Variants in CDH18 observed in about 807,000 individuals in gnomAD.
CDH18 encodes the protein cadherin 18, also known as cadherin-18.
In CDH18, 31 loss-of-function variants were observed where a neutral mutation model predicts 67.9. That is an observed-to-expected ratio of 0.46 (90% CI 0.34 to 0.62). CDH18 has a LOEUF of 0.62. Among genes scored for constraint, CDH18 ranks in the 20% least tolerant of loss-of-function variants. The probability of loss-of-function intolerance (pLI) is 0.01; values close to 1 mark genes in which losing one functional copy is unlikely to be tolerated. For synonymous variants in CDH18, 362 were observed against 347.2 expected (o/e 1.04, Z -0.48); for missense variants, 890 against 975.5 (o/e 0.91, Z 1.17).
At chr5:20,210,809 T>A (rs1740294687) in intron 2 of CDH18, among the ~76,000 whole-genome samples, 1 of 152,070 alleles carries the variant, frequency 6.6e-6, no homozygotes, top group Admixed American at 6.6e-5. Context: ...TACTACTAAG[T>A]TATCTGTATG....
chr5:20,318,613 A>G (rs1463822933), intron 1 of CDH18, among the ~76,000 whole-genome samples: 3 of 152,000 alleles, frequency 2.0e-5, no homozygotes, highest in African/African-American at 7.3e-5. Context: ...TCCTGCTCCC[A>G]TTATGTAAGA....
At chr5:19,524,949 G>T (rs1269339751) in intron 9 of CDH18, among the ~76,000 whole-genome samples, 1 of 152,118 alleles carries the variant, frequency 6.6e-6, no homozygotes, top group Non-Finnish European at 1.5e-5. Context: ...GTTTCACCAT[G>T]TTAGACAAGA....
At chr5:20,259,619 C>T (rs1055221553) in intron 1 of CDH18, among the ~76,000 whole-genome samples, 1 of 152,184 alleles carries the variant, frequency 6.6e-6, no homozygotes, top group African/African-American at 2.4e-5. Context: ...GTATTTAATA[C>T]ATAGAACATA....
chr5:19,483,250 C>A, intron 12 of CDH18, 51 bp downstream of exon 12: 1 of 1,540,224 alleles, frequency 6.5e-7, no homozygotes, highest in Non-Finnish European at 8.8e-7. Flanking sequence ...AAAATGATTC[C>A]CTCTCATTCA....
intron 2 of CDH18, among the ~76,000 whole-genome samples, chr5:19,968,262 C>A (rs895524005): frequency 1.3e-5 from 2 of 151,462 alleles, no homozygotes; most frequent in Non-Finnish European, 2.9e-5. Context: ...AATGGCCATA[C>A]TGCCCAAGGT....
chr5:20,157,758 C>T (rs141045672), intron 2 of CDH18, among the ~76,000 whole-genome samples: 277 of 151,760 alleles, frequency 1.8e-3, no homozygotes, highest in Non-Finnish European at 2.7e-3. Flanking sequence ...TTCTCCTGCC[C>T]CAGCCTCCTG....
At chr5:20,056,486 T>G (rs1190051252) in intron 2 of CDH18, among the ~76,000 whole-genome samples, 2 of 132,190 alleles carry the variant, frequency 1.5e-5, no homozygotes, top group East Asian at 2.2e-4. Flanking sequence ...TTGTTTTTTT[T>G]TTTTTTTTTT....
At chr5:20,348,029 G>A (rs895268710) in intron 1 of CDH18, among the ~76,000 whole-genome samples, 6 of 152,214 alleles carry the variant, frequency 3.9e-5, no homozygotes, top group South Asian at 2.1e-4. Context: ...GGACTTAGCT[G>A]TACTAGGGAC....
intron 3 of CDH18, among the ~76,000 whole-genome samples, chr5:19,748,062 G>C (rs1425627442): frequency 1.6e-5 from 2 of 123,682 alleles, no homozygotes; most frequent in African/African-American, 3.0e-5. Context: ...GCAGTGAGCC[G>C]AGATCGCGCC....
intron 5 of CDH18, among the ~76,000 whole-genome samples, chr5:19,649,580 C>T (rs1755269147): frequency 6.6e-6 from 1 of 151,924 alleles, no homozygotes; most frequent in South Asian, 2.1e-4. Context: ...GTGGTTTTCC[C>T]TTCACAACTA....
intron 1 of CDH18, among the ~76,000 whole-genome samples, chr5:20,327,241 T>G (rs1463925406): frequency 2.0e-5 from 3 of 152,204 alleles, no homozygotes; most frequent in Non-Finnish European, 4.4e-5. Flanking sequence ...TTCTTTTAGT[T>G]CCTAAACACA....
chr5:20,139,896 G>T (rs1293622398), intron 2 of CDH18, among the ~76,000 whole-genome samples: 1 of 152,158 alleles, frequency 6.6e-6, no homozygotes, highest in Non-Finnish European at 1.5e-5. Context: ...CAACCACTGT[G>T]AAAGACAGTG....
intron 1 of CDH18, among the ~76,000 whole-genome samples, chr5:20,541,993 C>T (rs764025382): frequency 1.3e-5 from 2 of 152,056 alleles, no homozygotes; most frequent in African/African-American, 2.4e-5. Flanking sequence ...TCACCCAGGC[C>T]GGAGTGTAGA....
chr5:20,212,956 G>A (rs1740469544), intron 2 of CDH18, among the ~76,000 whole-genome samples: 1 of 151,942 alleles, frequency 6.6e-6, no homozygotes, highest in Non-Finnish European at 1.5e-5. Context: ...TACTATAATA[G>A]CACTTTTCCT....
chr5:19,987,059 CT>C (rs1799633542), intron 1 of CDH18, among the ~76,000 whole-genome samples: 1 of 152,074 alleles, frequency 6.6e-6, no homozygotes, highest in African/African-American at 2.4e-5. Context: ...AACCATAATA[CT>C]TTTAGCTAAG....
intron 10 of CDH18, among the ~76,000 whole-genome samples, chr5:19,517,919 T>C (rs555096925): frequency 6.6e-6 from 1 of 152,132 alleles, no homozygotes; most frequent in East Asian, 1.9e-4. Context: ...TTGCACTATG[T>C]CTAAGCTGCT....
At chr5:20,117,341 A>C (rs772192682) in intron 2 of CDH18, among the ~76,000 whole-genome samples, 1 of 152,144 alleles carries the variant, frequency 6.6e-6, no homozygotes, top group Non-Finnish European at 1.5e-5. Context: ...AGAAAAATGA[A>C]GTATGACTAA....
At chr5:19,568,865 T>C (rs1740886922) in intron 8 of CDH18, among the ~76,000 whole-genome samples, 1 of 152,184 alleles carries the variant, frequency 6.6e-6, no homozygotes, top group Non-Finnish European at 1.5e-5. Context: ...CAAGATGTAA[T>C]AACTAGATAT....
intron 1 of CDH18, among the ~76,000 whole-genome samples, chr5:20,566,360 C>CTTT (rs529048391): frequency 1.8e-4 from 22 of 119,266 alleles, no homozygotes; most frequent in South Asian, 2.7e-4. Flanking sequence ...TTTTCTTTTT[C>CTTT]TTTTTTTTTT....
Sources: allele counts gnomAD v4.1 joint callset (sites outside exome capture counted in the v4.1 genomes callset), GRCh38; gene constraint gnomAD v4.1.1; transcripts MANE v1.5; gene names NCBI Gene and HGNC (gene_info 2026-07-23, HGNC 2026-07-21).